The following KIAA1217 variants were observed in gnomAD, a reference collection of about 807,000 sequenced individuals.
KIAA1217 encodes the protein sickle tail protein homolog.
In KIAA1217, 88 loss-of-function variants were observed where a neutral mutation model predicts 163.9. That is an observed-to-expected ratio of 0.54 (90% CI 0.45 to 0.64). The LOEUF is 0.64. Ranked by LOEUF, KIAA1217 falls within the 30% of genes least tolerant of loss-of-function variation. The probability of loss-of-function intolerance (pLI) is 0.00; values close to 1 mark genes in which losing one functional copy is unlikely to be tolerated. For missense variants in KIAA1217, 2,372 were observed against 2,475.0 expected (o/e 0.96, Z 0.88); for synonymous variants, 903 against 923.1 (o/e 0.98, Z 0.39).
chr10:23,697,462 A>C (rs1836119451), intron 1 of KIAA1217, among the ~76,000 whole-genome samples: 2 of 152,166 alleles, frequency 1.3e-5, no homozygotes, highest in Admixed American at 1.3e-4. Context: ...GCAGTACGGT[A>C]GAAGGTGATA....
intron 2 of KIAA1217, among the ~76,000 whole-genome samples, chr10:24,357,242 G>A (rs1015480215): frequency 2.6e-5 from 4 of 152,236 alleles, no homozygotes; most frequent in African/African-American, 7.2e-5. Flanking sequence ...TGGGCCTGGA[G>A]TAGTACGAAT....
chr10:24,034,889 C>T (rs941922327), intron 2 of KIAA1217, among the ~76,000 whole-genome samples: 3 of 152,206 alleles, frequency 2.0e-5, no homozygotes, highest in Admixed American at 6.5e-5. Flanking sequence ...TCCCATGACA[C>T]GACGCTCATG....
chr10:24,431,719 C>G (rs1432948992), intron 3 of KIAA1217, among the ~76,000 whole-genome samples: 1 of 152,150 alleles, frequency 6.6e-6, no homozygotes, highest in African/African-American at 2.4e-5. Context: ...ATCACACTTG[C>G]TAATATCCCA....
chr10:24,546,411 A>C lies in KIAA1217; in HGVS notation c.*87A>C. The C allele has an allele frequency of 7.7e-7, 1 of 1,297,098 alleles. No individual in the cohort carries two copies. The highest frequency in any genetic ancestry group is 1.1e-6 in the Non-Finnish European group (1 of 947,282). The allele number at this position is 1,297,098 out of a possible 1,614,324, so 80.3% of individuals were successfully genotyped here. A position where few individuals can be genotyped will look rare whatever the true frequency, so the allele number is the denominator to read the frequency against. On this transcript the variant is annotated 3_prime_UTR_variant, in exon 21 of 21. Coordinates refer to ENST00000376454, the MANE Select transcript of KIAA1217 (RefSeq NM_019590.5). ...AACTGTTTTCACAAGAGAATGTAACATATTGCTGTATCGTTTGAGGCTTAA... is the reference window on the plus strand; with the variant it reads ...AACTGTTTTCACAAGAGAATGTAACCTATTGCTGTATCGTTTGAGGCTTAA...
chr10:24,193,762 G>A (rs943225093), intron 2 of KIAA1217, among the ~76,000 whole-genome samples: 5 of 148,910 alleles, frequency 3.4e-5, no homozygotes, highest in Non-Finnish European at 7.4e-5. Flanking sequence ...AGTACTCAAG[G>A]ATTTTTTTTT....
chr10:23,939,323 A>G (rs932365873), intron 1 of KIAA1217, among the ~76,000 whole-genome samples: 1 of 152,138 alleles, frequency 6.6e-6, no homozygotes, highest in African/African-American at 2.4e-5. Context: ...AGAATCAACA[A>G]TCCCTATACG....
chr10:24,052,915 A>G (rs1439589444), intron 2 of KIAA1217, among the ~76,000 whole-genome samples: 1 of 152,074 alleles, frequency 6.6e-6, no homozygotes, highest in Admixed American at 6.6e-5. Flanking sequence ...CATAATACCA[A>G]CCTTCCTAGC....
intron 3 of KIAA1217, among the ~76,000 whole-genome samples, chr10:24,419,314 G>A (rs1249847864): frequency 6.6e-6 from 1 of 152,020 alleles, no homozygotes; most frequent in African/African-American, 2.4e-5. Context: ...TCTGTGGGAG[G>A]GGAACTATTA....
chr10:23,976,105 A>C (rs537741649), intron 1 of KIAA1217, among the ~76,000 whole-genome samples: 1 of 152,282 alleles, frequency 6.6e-6, no homozygotes, highest in African/African-American at 2.4e-5. Context: ...TCATCCTCTC[A>C]CTTTTTGATG....
chr10:24,017,792 T>C (rs1398137623), intron 2 of KIAA1217, among the ~76,000 whole-genome samples: 1 of 152,060 alleles, frequency 6.6e-6, no homozygotes, highest in Non-Finnish European at 1.5e-5. Context: ...CAGACCTGGG[T>C]TCCAAAGGTC....
intron 1 of KIAA1217, among the ~76,000 whole-genome samples, chr10:23,760,955 T>C (rs949714476): frequency 2.0e-5 from 3 of 152,092 alleles, no homozygotes; most frequent in Non-Finnish European, 4.4e-5. Flanking sequence ...GAAATGTAAA[T>C]GTAATTGGAC....
chr10:24,352,117 C>T (rs2048528802), intron 2 of KIAA1217, among the ~76,000 whole-genome samples: 1 of 152,260 alleles, frequency 6.6e-6, no homozygotes, highest in African/African-American at 2.4e-5. Context: ...CAAGTGAAGC[C>T]TGCCTTTCCC....
chr10:23,906,131 A>G (rs962600521), intron 1 of KIAA1217, among the ~76,000 whole-genome samples: 4 of 152,102 alleles, frequency 2.6e-5, no homozygotes, highest in African/African-American at 9.7e-5. Flanking sequence ...CCATGAGGGC[A>G]GAGCCTTATG....
chr10:23,844,482 T>C (rs1374750606), intron 1 of KIAA1217, among the ~76,000 whole-genome samples: 1 of 152,190 alleles, frequency 6.6e-6, no homozygotes, highest in East Asian at 1.9e-4. Context: ...ACCTGTGTTG[T>C]CATATTCAAA....
At chr10:24,199,144 C>T (rs573629908) in intron 2 of KIAA1217, among the ~76,000 whole-genome samples, 52 of 152,152 alleles carry the variant, frequency 3.4e-4, no homozygotes, top group Non-Finnish European at 6.8e-4. Context: ...ACCACTTGAG[C>T]CCAGGAGTTT....
At chr10:24,185,499 A>G (rs2066382668) in intron 2 of KIAA1217, among the ~76,000 whole-genome samples, 1 of 152,208 alleles carries the variant, frequency 6.6e-6, no homozygotes, top group African/African-American at 2.4e-5. Flanking sequence ...ACCAGCTTTA[A>G]AGAATCAACT....
At chr10:24,112,593 A>T (rs12357520) in intron 2 of KIAA1217, among the ~76,000 whole-genome samples, 12,038 of 150,098 alleles carry the variant, frequency 0.08, 565 homozygotes, top group Middle Eastern at 0.19. Context: ...ATTTTATTTT[A>T]TTTTTTTTTG....
chr10:24,000,459 C>T (rs1468764081), intron 1 of KIAA1217, among the ~76,000 whole-genome samples: 1 of 152,220 alleles, frequency 6.6e-6, no homozygotes, highest in Non-Finnish European at 1.5e-5. Context: ...TTGTAAGTTT[C>T]CTGAGGCTTC....
At chr10:24,075,137 C>T (rs2061329094) in intron 2 of KIAA1217, among the ~76,000 whole-genome samples, 1 of 136,996 alleles carries the variant, frequency 7.3e-6, no homozygotes, top group Non-Finnish European at 1.5e-5. Flanking sequence ...CACACACACA[C>T]ACACACACAC....
Sources: allele counts gnomAD v4.1 joint callset (sites outside exome capture counted in the v4.1 genomes callset), GRCh38; gene constraint gnomAD v4.1.1; transcripts MANE v1.5; gene names NCBI Gene and HGNC (gene_info 2026-07-23, HGNC 2026-07-21).